PLCG2: variants seen among roughly 807,000 people sequenced by gnomAD.
The protein encoded by PLCG2 is phospholipase C gamma 2, also known as 1-phosphatidylinositol 4,5-bisphosphate phosphodiesterase gamma-2.
A neutral mutation model predicts 175.6 loss-of-function variants in PLCG2; 69 were observed. That is an observed-to-expected ratio of 0.39 (90% confidence interval 0.32 to 0.48). PLCG2 has a LOEUF of 0.48. PLCG2 is among the 20% of genes least tolerant of loss of function. The pLI is 0.91. For missense variants in PLCG2, 1,798 were observed against 1,650.9 expected (o/e 1.09, Z -1.54); for synonymous variants, 827 against 624.0 (o/e 1.33, Z -4.85).
chr16:81,848,281 G>A (rs900649992), intron 2 of PLCG2, among the ~76,000 whole-genome samples: 4 of 152,194 alleles, frequency 2.6e-5, no homozygotes, highest in African/African-American at 7.2e-5. Flanking sequence ...GTCTTGGGAA[G>A]AAGCAAGAGA....
chr16:81,931,618 G>C lies in PLCG2; in HGVS notation c.2703G>C (p.Gln901His). 1 of 1,614,028 alleles carries C rather than the reference G, an allele frequency of 6.2e-7. No individual in the cohort carries two copies. The highest frequency in any genetic ancestry group is 8.5e-7 in the Non-Finnish European group (1 of 1,179,974). Residue 901 changes from glutamine (Q) to histidine (H), a missense_variant, in exon 25 of 33, where the codon CAG (glutamine) becomes CAC (histidine). Transcript: ENST00000564138. ...TGGAGGAGCTCTTTGAGTGGTTTCA[G>C]AGCATCCGAGAGATCACCTGGAAGA... Reference protein sequence around the residue: ...DRVEELFEWFQSIREITWKID... With the variant: ...DRVEELFEWFHSIREITWKID...
intron 2 of PLCG2, among the ~76,000 whole-genome samples, chr16:81,799,269 G>A (rs554367908): frequency 3.9e-4 from 60 of 152,008 alleles, no homozygotes; most frequent in South Asian, 1.9e-3. Context: ...AACACCTGGT[G>A]TACCACCTTC....
intron 2 of PLCG2, among the ~76,000 whole-genome samples, chr16:81,759,026 C>T (rs1014890427): frequency 1.3e-5 from 2 of 152,132 alleles, no homozygotes; most frequent in East Asian, 1.9e-4. Context: ...TGAAGTGAAA[C>T]CTCATTATGG....
intron 5 of PLCG2, among the ~76,000 whole-genome samples, chr16:81,862,972 C>G (rs186381584): frequency 9.6e-4 from 146 of 152,300 alleles, no homozygotes; most frequent in African/African-American, 3.4e-3. Flanking sequence ...CTTCCCCACC[C>G]TGACCAATCA....
chr16:81,806,143 C>T (rs756563904), intron 2 of PLCG2, among the ~76,000 whole-genome samples: 11 of 152,036 alleles, frequency 7.2e-5, no homozygotes, highest in Non-Finnish European at 1.3e-4. Flanking sequence ...ATACCTATAA[C>T]ACATCTTGAT....
intron 5 of PLCG2, among the ~76,000 whole-genome samples, chr16:81,862,811 G>A (rs908198340): frequency 6.6e-6 from 1 of 152,228 alleles, no homozygotes; most frequent in Admixed American, 6.5e-5. Context: ...GGTCAAGGCT[G>A]CAGTGAACCA....
chr16:81,742,148 TG>T (rs965954596), intron 1 of PLCG2, among the ~76,000 whole-genome samples: 3 of 4,626 alleles, frequency 6.5e-4, no homozygotes, highest in African/African-American at 5.8e-3. Context: ...GTTACCATTG[TG>T]GGGGCGGGGG....
chr16:81,857,827 C>G (rs4888180), intron 3 of PLCG2: 37,199 of 162,732 alleles, frequency 0.23, 5,226 homozygotes, highest in East Asian at 0.57. Context: ...CATGACTGAA[C>G]CTGTCTTAGG....
intron 2 of PLCG2, among the ~76,000 whole-genome samples, chr16:81,821,233 T>G (rs1904785427): frequency 6.6e-6 from 1 of 152,202 alleles, no homozygotes; most frequent in Non-Finnish European, 1.5e-5. Flanking sequence ...GGGGATTCAG[T>G]GAGTTAACAT....
At chr16:81,934,615 A>T in intron 26 of PLCG2, 84 bp downstream of exon 26, 2 of 842,302 alleles carry the variant, frequency 2.4e-6, no homozygotes, top group East Asian at 2.6e-5. Context: ...GAGGGGGCAG[A>T]GAGTGCATTC....
chr16:81,957,123 A>G (rs902867392), intron 32 of PLCG2, among the ~76,000 whole-genome samples: 1 of 151,880 alleles, frequency 6.6e-6, no homozygotes, highest in East Asian at 1.9e-4. Context: ...ACATGGAGAA[A>G]CCCTGTCTCT....
intron 2 of PLCG2, among the ~76,000 whole-genome samples, chr16:81,804,930 T>C (rs558950522): frequency 2.5e-4 from 38 of 152,324 alleles, no homozygotes; most frequent in African/African-American, 9.1e-4. Context: ...CATGTATCCA[T>C]GTGATCATGT....
At chr16:81,814,559 G>A (rs1904454526) in intron 2 of PLCG2, among the ~76,000 whole-genome samples, 2 of 152,144 alleles carry the variant, frequency 1.3e-5, no homozygotes, top group African/African-American at 4.8e-5. Flanking sequence ...GCCAGGCATG[G>A]TGGCATGTGC....
intron 3 of PLCG2, among the ~76,000 whole-genome samples, chr16:81,855,353 C>T (rs1906631356): frequency 1.3e-5 from 2 of 152,266 alleles, no homozygotes; most frequent in Admixed American, 1.3e-4. Flanking sequence ...AAGCTTGTAT[C>T]TACTTTCAAG....
At chr16:81,879,505 T>C (rs976569048) in intron 7 of PLCG2, among the ~76,000 whole-genome samples, 4 of 152,172 alleles carry the variant, frequency 2.6e-5, no homozygotes, top group African/African-American at 9.6e-5. Context: ...CAAACTGATG[T>C]GGACTCTCTG....
At chr16:81,930,839 G>C (rs903481602) in intron 24 of PLCG2, among the ~76,000 whole-genome samples, 1 of 151,664 alleles carries the variant, frequency 6.6e-6, no homozygotes, top group African/African-American at 2.4e-5. Flanking sequence ...AATATGCTAA[G>C]TGAAACAGTT....
At chr16:81,775,953 C>G (rs1910389646), upstream of PLCG2, among the ~76,000 whole-genome samples, 1 of 151,758 alleles carries the variant, frequency 6.6e-6, no homozygotes, top group Non-Finnish European at 1.5e-5. Context: ...TGACACCAGA[C>G]AGGCTGAGGT....
chr16:81,841,610 C>T (rs1905835903), intron 2 of PLCG2, among the ~76,000 whole-genome samples: 2 of 152,032 alleles, frequency 1.3e-5, no homozygotes, highest in Admixed American at 1.3e-4. Flanking sequence ...TTTTCCATTT[C>T]ATAGATGAGA....
chr16:81,805,723 AGT>A (rs1439035555), intron 2 of PLCG2, among the ~76,000 whole-genome samples: 1 of 145,952 alleles, frequency 6.9e-6, no homozygotes, highest in African/African-American at 2.6e-5. Context: ...ATGGAAATAC[AGT>A]GTGAGTCACC....
Sources: gnomAD v4.1 joint callset for allele counts (sites outside exome capture counted in the v4.1 genomes callset) on GRCh38, gnomAD v4.1.1 for gene constraint, MANE v1.5 for transcripts, NCBI Gene and HGNC (gene_info 2026-07-23, HGNC 2026-07-21) for gene names.